Variants in USF3 observed in about 807,000 individuals in gnomAD.
The protein encoded by USF3 is basic helix-loop-helix domain-containing protein USF3.
A neutral mutation model predicts 157.5 loss-of-function variants in USF3; 29 were observed. The observed-to-expected ratio is 0.18, with a 90% CI of 0.14 to 0.25. The LOEUF (loss-of-function observed/expected upper bound fraction) is 0.25. USF3 is among the 10% of genes least tolerant of loss of function. The pLI is 1.00. For synonymous variants in USF3, 893 were observed against 941.4 expected (o/e 0.95, Z 0.94); for missense variants, 2,381 against 2,667.6 (o/e 0.89, Z 2.37).
intron 1 of USF3, among the ~76,000 whole-genome samples, chr3:113,688,948 A>G (rs9863187): frequency 0.36 from 54,431 of 151,902 alleles, 9,862 homozygotes; most frequent in African/African-American, 0.42. Context: ...GGAGAATGGT[A>G]TGAACCTGGG....
rs1219626713 is a variant in USF3 at position 113,658,041 on chromosome 3, C to T, written c.3641G>A (p.Ser1214Asn). 1 of 1,613,990 alleles carries T rather than the reference C, an allele frequency of 6.2e-7. No homozygotes were observed. Among genetic ancestry groups the T allele is most frequent in the Non-Finnish European group, 8.5e-7 (1 of 1,180,012 alleles). ...ATMERPLEKP[S>N]CSLGIKTSNA... ...TGATGTTTTAATTCCTAGAGAACAA[C>T]TTGGTTTCTCAAGGGGCCTCTCCAT... Residue 1214 changes from serine (S) to asparagine (N), a missense_variant, in exon 7 of 7, where the codon AGT becomes AAT. Physicochemically the swap from Ser to Asn is conservative, Grantham distance 46 (BLOSUM62 1). Around this residue, in one of 6 missense-constraint regions of USF3, gnomAD observed 1,435 missense variants for 1,550.9 expected, o/e 0.93. Transcript: ENST00000316407.
intron 6 of USF3, among the ~76,000 whole-genome samples, chr3:113,663,235 G>A (rs77234285): frequency 0.039 from 5,923 of 152,112 alleles, 345 homozygotes; most frequent in African/African-American, 0.12. Flanking sequence ...TGAGTCCCAC[G>A]CAACTTCTAT....
In USF3 at chr3:113,655,273, T is replaced by C; in HGVS notation, c.6409A>G (p.Asn2137Asp). 1 of 1,614,096 alleles carries C rather than the reference T, an allele frequency of 6.2e-7. No individual in the cohort carries two copies. Among genetic ancestry groups the C allele is most frequent in the Non-Finnish European group, 8.5e-7 (1 of 1,179,978 alleles). ...IPYFPNQMFS[N>D]PSTEKVNSGS... The stretch of plus-strand genomic sequence containing the variant: ...CTGTTTACCTTCTCTGTGCTAGGAT[T>C]TGAGAACATCTGATTAGGAAAATAG... The change falls in exon 7 of 7, where the codon AAT becomes GAT. Residue 2137 changes from asparagine (N) to aspartate (D), a missense_variant. Physicochemically the swap from Asn to Asp is conservative, Grantham distance 23. Around this residue, in one of 6 missense-constraint regions of USF3, gnomAD observed 770 missense variants for 824.2 expected, o/e 0.93. Transcript: ENST00000316407.
chr3:113,669,358 C>T (rs754306929), intron 5 of USF3, among the ~76,000 whole-genome samples: 32 of 150,398 alleles, frequency 2.1e-4, no homozygotes, highest in Non-Finnish European at 1.5e-5. Context: ...ATATTTGCCT[C>T]TGAGGAGCTA....
chr3:113,659,442 G>C lies in USF3; in HGVS notation c.2240C>G (p.Thr747Arg). Residue 747 changes from threonine (T) to arginine (R), a missense_variant, in exon 7 of 7, where the codon ACA (threonine) becomes AGA (arginine). Around this residue, in one of 6 missense-constraint regions of USF3, gnomAD observed 1,435 missense variants for 1,550.9 expected, o/e 0.93. Coordinates refer to ENST00000316407, the MANE Select transcript of USF3 (RefSeq NM_001009899.4). ...TGTTGTTAATGAAACACAGTTAGCT[G>C]TAGTGGTTTGACTATTTGCAGCAGT... is the stretch of plus-strand genomic sequence containing the variant. ...SQTAANSQTT[T>R]ANCVSLTTTA... The C allele has an allele frequency of 6.2e-7, 1 of 1,614,232 alleles. No homozygotes were observed. The highest frequency in any genetic ancestry group is 8.5e-7 in the Non-Finnish European group (1 of 1,180,036).
rs551327269 is a variant in USF3, at chr3:113,649,517, GT to G, written c.*5426del. 38 of 259,412 alleles carry G rather than the reference GT, an allele frequency of 1.5e-4. No homozygotes were observed. Among genetic ancestry groups the G allele is most frequent in the East Asian group, 2.6e-4 (4 of 15,146 alleles). 16.1% of individuals were successfully genotyped at this position (259,412 alleles called of 1,614,324 possible). A position where few individuals can be genotyped will look rare whatever the true frequency, so the allele number is the denominator to read the frequency against. On this transcript the variant is annotated 3_prime_UTR_variant, in exon 7 of 7. Coordinates refer to ENST00000316407, the MANE Select transcript of USF3 (RefSeq NM_001009899.4). Reference sequence around the variant, plus strand: ...CTACTAGGTTTTTTTTTTGTTTTTTGTTTTTTTTTACAAATCAACATCAAAG... The same window carrying G: ...CTACTAGGTTTTTTTTTTGTTTTTTGTTTTTTTTACAAATCAACATCAAAG...
intron 1 of USF3, among the ~76,000 whole-genome samples, chr3:113,680,030 C>A (rs1707373425): frequency 6.9e-6 from 1 of 144,270 alleles, no homozygotes; most frequent in African/African-American, 2.5e-5. Flanking sequence ...CAATGTTCAC[C>A]ACAGATATTG....
At chr3:113,675,806 A>G (rs1004593335) in intron 2 of USF3, among the ~76,000 whole-genome samples, 5 of 152,212 alleles carry the variant, frequency 3.3e-5, no homozygotes, top group Non-Finnish European at 5.9e-5. Flanking sequence ...ACTTACAATC[A>G]TGGTGCTCTG....
rs969951703 is a variant in USF3 at position 113,696,637 on chromosome 3, T to A, written c.-402A>T. 7.0e-6 allele frequency: 1 copy of A among 143,832 alleles called. No individual in the cohort carries two copies. The highest frequency in any genetic ancestry group is 1.5e-5 in the Non-Finnish European group (1 of 66,112). 8.9% of individuals were successfully genotyped at this position (143,832 alleles called of 1,614,324 possible). A position where few individuals can be genotyped will look rare whatever the true frequency, so the allele number is the denominator to read the frequency against. ...GACCCGGCGGCAGCGCGGCCTCAAC[T>A]TTCCCAGCCCCCCTCCCCCCGCCCC... On this transcript the variant is annotated 5_prime_UTR_variant, in exon 1 of 7. In the 5' UTR this introduces an upstream ATG that the reference lacks. Transcript: ENST00000316407.
intron 5 of USF3, among the ~76,000 whole-genome samples, chr3:113,669,437 G>A (rs1707096847): frequency 6.6e-6 from 1 of 152,044 alleles, no homozygotes; most frequent in Non-Finnish European, 1.5e-5. Context: ...TGTTTGCTAT[G>A]TGTCTTATTA....
At position 113,669,477 on chromosome 3, in the gene USF3, C is replaced by T. The variant is rs548015204; in HGVS notation, c.159+644G>A. ...TTTGCATATATTCATTTAATTACAA[C>T]ATTATAATAGTGATTATTGCTTGGG... is the stretch of plus-strand genomic sequence containing the variant. On this transcript the variant is annotated intron_variant, in intron 5 of 6. Transcript: ENST00000316407. 2.0e-5 allele frequency among the ~76,000 whole-genome samples: 3 copies of T among 152,240 alleles called. No individual in the cohort carries two copies. In the South Asian group the frequency reaches 6.2e-4, roughly 32 times the overall value.
intron 4 of USF3, 27 bp from the exon 5 acceptor site, chr3:113,670,230 A>C (rs751222922): frequency 6.9e-6 from 9 of 1,312,088 alleles, no homozygotes; most frequent in Non-Finnish European, 9.9e-6. Flanking sequence ...TCGTTTATCA[A>C]ACCTTACACT....
chr3:113,691,180 T>A (rs1299491487), intron 1 of USF3, among the ~76,000 whole-genome samples: 2 of 152,128 alleles, frequency 1.3e-5, no homozygotes, highest in East Asian at 3.9e-4. Flanking sequence ...CAGAGTGAGA[T>A]CCCATCTCAA....
Position 113,655,851 on chromosome 3 carries a change from T to G in USF3, c.5831A>C (p.His1944Pro). 6.2e-7 allele frequency: 1 copy of G among 1,614,158 alleles called. No homozygotes were observed. ...HMNPPVTTNM[H>P]GVARPALPHP... is the part of the protein sequence containing the mutation. ...TGGCAACGCTGGCCTTGCAACCCCA[T>G]GCATGTTGGTTGTGACTGGAGGGTT... is the stretch of plus-strand genomic sequence containing the variant. The change falls in exon 7 of 7, where the codon CAT becomes CCT. Residue 1944 changes from histidine to proline, a missense_variant. His to Pro is a moderately conservative substitution (Grantham distance 77, BLOSUM62 -2). Around this residue, in one of 6 missense-constraint regions of USF3, gnomAD observed 770 missense variants for 824.2 expected, o/e 0.93. Coordinates refer to ENST00000316407, the MANE Select transcript of USF3 (RefSeq NM_001009899.4).
chr3:113,661,600 C>T (rs757306825), intron 6 of USF3, among the ~76,000 whole-genome samples, 175 bp from the exon 7 acceptor site: 27 of 152,048 alleles, frequency 1.8e-4, no homozygotes, highest in Non-Finnish European at 3.5e-4. Context: ...AGAATGATAT[C>T]TTAAATCCCT....
At chr3:113,670,644 G>A (rs1707133236) in intron 4 of USF3, among the ~76,000 whole-genome samples, 1 of 151,920 alleles carries the variant, frequency 6.6e-6, no homozygotes, top group Non-Finnish European at 1.5e-5. Context: ...GAAGGGGAAG[G>A]GGAAGGGCTT....
intron 6 of USF3, among the ~76,000 whole-genome samples, chr3:113,663,297 G>A (rs1022063456): frequency 6.6e-6 from 1 of 152,094 alleles, no homozygotes; most frequent in Non-Finnish European, 1.5e-5. Flanking sequence ...TCAGCCTCTG[G>A]CTTTGAAATC....
rs1324432287 is a variant in USF3, at chr3:113,670,104, A to AT, written c.159+16dup. 2.0e-6 allele frequency: 3 copies of AT among 1,524,820 alleles called. No individual in the cohort carries two copies. The highest frequency in any genetic ancestry group is 1.8e-6 in the Non-Finnish European group (2 of 1,098,548). 94.5% of individuals were successfully genotyped at this position (1,524,820 alleles called of 1,614,324 possible). On this transcript the variant is annotated intron_variant, in intron 5 of 6. Transcript: ENST00000316407. ...CTGTTCATAAGTAATGAATGAAGATATGAGTAGACTTCTTACCTGCTTCAG... is the reference window on the plus strand; with the variant it reads ...CTGTTCATAAGTAATGAATGAAGATATTGAGTAGACTTCTTACCTGCTTCAG...
chr3:113,692,649 T>A (rs1707709881), intron 1 of USF3, among the ~76,000 whole-genome samples: 1 of 152,210 alleles, frequency 6.6e-6, no homozygotes, highest in South Asian at 2.1e-4. Context: ...TATTTCTGTA[T>A]TCTCTTCAGT....
Sources: gnomAD v4.1 joint callset for allele counts (sites outside exome capture counted in the v4.1 genomes callset) on GRCh38, gnomAD v4.1.1 for gene constraint, gnomAD v4.1.1 regional missense constraint, MANE v1.5 for transcripts, NCBI Gene and HGNC (gene_info 2026-07-23, HGNC 2026-07-21) for gene names.